The following PTPRN2 variants were observed in gnomAD, a reference collection of about 807,000 sequenced individuals.
PTPRN2 encodes the protein protein tyrosine phosphatase receptor type N2, also known as receptor-type tyrosine-protein phosphatase N2.
In PTPRN2, 74 loss-of-function variants were observed where a neutral mutation model predicts 118.8. The observed-to-expected ratio is 0.62, with a 90% CI of 0.52 to 0.76. The LOEUF (loss-of-function observed/expected upper bound fraction) is 0.76. Among genes scored for constraint, PTPRN2 ranks in the 30% least tolerant of loss-of-function variants. The pLI is 0.00. For synonymous variants in PTPRN2, 641 were observed against 608.0 expected (o/e 1.05, Z -0.80); for missense variants, 1,481 against 1,394.4 (o/e 1.06, Z -0.99).
Position 158,337,266 on chromosome 7 carries a change from G to A in PTPRN2, c.164-20334C>T, listed in dbSNP as rs1411270957. Among the ~76,000 whole-genome samples the A allele has an allele frequency of 4.6e-5, 7 of 150,772 alleles. 1 individual carries two copies. In the South Asian group the frequency reaches 1.3e-3, roughly 27 times the overall value. ...ACCATAAGAGCTGACACCTGCAGAC[G>A]TCACTCAAACTCACACTCTCACCAT... On this transcript the variant is annotated intron_variant, in intron 2 of 22. Coordinates refer to ENST00000389418, the MANE Select transcript of PTPRN2 (RefSeq NM_002847.5).
At chr7:158,484,991 C>T (rs1051732781) in intron 2 of PTPRN2, among the ~76,000 whole-genome samples, 2 of 152,176 alleles carry the variant, frequency 1.3e-5, no homozygotes, top group Non-Finnish European at 2.9e-5. Context: ...AGCGCAAGGG[C>T]ACCCCTCCCA....
intron 10 of PTPRN2, among the ~76,000 whole-genome samples, chr7:158,098,435 G>A (rs1329994984): frequency 6.6e-6 from 1 of 152,318 alleles, no homozygotes; most frequent in African/African-American, 2.4e-5. Context: ...GATGCCCGAG[G>A]GTGACGCTTA....
chr7:157,608,970 G>C lies in PTPRN2; in HGVS notation c.2345-4895C>G, dbSNP rs148157704. On this transcript the variant is annotated intron_variant, in intron 15 of 22. Coordinates refer to ENST00000389418, the MANE Select transcript of PTPRN2 (RefSeq NM_002847.5). Reference sequence around the variant, plus strand: ...AGGCCAGGAAAATGTGGGAACTCACGTAGAGTCTTCCTTCACCTGGCCCTA... The same window carrying C: ...AGGCCAGGAAAATGTGGGAACTCACCTAGAGTCTTCCTTCACCTGGCCCTA... Among the ~76,000 whole-genome samples, 1,111 of 152,326 alleles carry C rather than the reference G, an allele frequency of 7.3e-3. 16 individuals are homozygous for C. The highest frequency in any genetic ancestry group is 0.011 in the Non-Finnish European group (766 of 68,018).
chr7:158,324,613 G>A (rs534887415), intron 2 of PTPRN2, among the ~76,000 whole-genome samples: 4 of 151,902 alleles, frequency 2.6e-5, no homozygotes, highest in South Asian at 4.2e-4. Context: ...TCAGAGGGCC[G>A]ATTGACCCCC....
intron 11 of PTPRN2, among the ~76,000 whole-genome samples, chr7:158,071,033 CTTAGTATGGAGGTGCTCATG>C (rs1563388989): frequency 2.1e-5 from 1 of 47,466 alleles, no homozygotes; most frequent in African/African-American, 1.2e-4. Context: ...TGGAGGTGCT[CTTAGTATGGAGGTGCTCATG>C]GTGGTGGAGG....
chr7:158,575,590 T>C (rs938193056), intron 1 of PTPRN2, among the ~76,000 whole-genome samples: 81 of 152,152 alleles, frequency 5.3e-4, no homozygotes, highest in African/African-American at 1.9e-3. Flanking sequence ...GGTCTCAAAC[T>C]CTTGGCCTCA....
intron 8 of PTPRN2, 32 bp from the exon 9 acceptor site, chr7:158,134,091 T>A (rs1818611269): frequency 6.3e-7 from 1 of 1,593,650 alleles, no homozygotes; most frequent in Non-Finnish European, 8.6e-7. Context: ...GAGGGACGTC[T>A]GCGAAAGGAA....
At chr7:158,401,816 C>T (rs1053156210) in intron 2 of PTPRN2, among the ~76,000 whole-genome samples, 2 of 152,110 alleles carry the variant, frequency 1.3e-5, no homozygotes, top group Admixed American at 1.3e-4. Context: ...AGGGGACTGA[C>T]GGCAGCCTGG....
At chr7:157,698,052 A>G (rs1797895098) in intron 12 of PTPRN2, among the ~76,000 whole-genome samples, 1 of 152,234 alleles carries the variant, frequency 6.6e-6, no homozygotes, top group South Asian at 2.1e-4. Flanking sequence ...AGCAGAGTTT[A>G]TCCCACAGGA....
intron 3 of PTPRN2, among the ~76,000 whole-genome samples, chr7:158,273,416 AGACGCG>A (rs1798649857): frequency 7.6e-6 from 1 of 131,840 alleles, no homozygotes; most frequent in Non-Finnish European, 1.6e-5. Context: ...AGCCGCAGAC[AGACGCG>A]GGAGGAGCCG....
At chr7:158,469,646 G>A (rs1199956000) in intron 2 of PTPRN2, among the ~76,000 whole-genome samples, 2 of 148,564 alleles carry the variant, frequency 1.3e-5, no homozygotes, top group Non-Finnish European at 3.0e-5. Context: ...GAAAACAAAT[G>A]AGAACGACAA....
intron 3 of PTPRN2, among the ~76,000 whole-genome samples, chr7:158,218,246 G>GA (rs35713314): frequency 0.16 from 24,401 of 152,034 alleles, 2,300 homozygotes; most frequent in Non-Finnish European, 0.22. Flanking sequence ...AGACATGTCA[G>GA]AAAAAAGCTT....
chr7:157,871,643 T>C (rs1361422842), intron 12 of PTPRN2, among the ~76,000 whole-genome samples: 3 of 151,910 alleles, frequency 2.0e-5, no homozygotes, highest in African/African-American at 7.3e-5. Context: ...AGGCTTGAGG[T>C]ACAGTATTAT....
chr7:157,836,677 G>A (rs939572193), intron 12 of PTPRN2, among the ~76,000 whole-genome samples: 42 of 151,690 alleles, frequency 2.8e-4, no homozygotes, highest in Non-Finnish European at 3.7e-4. Flanking sequence ...AGTTTTCCAC[G>A]CTAAGTGTTC....
chr7:157,568,931 A>C lies in PTPRN2; in HGVS notation c.2873T>G (p.Ile958Ser). ...GAGRSGTYVL[I>S]DMVLNKMAKG... ...GGCCATCTTGTTGAGAACCATGTCG[A>C]TCAGGACGTAGGTGCCGCTCCGGCC... Residue 958 changes from isoleucine (I) to serine (S), a missense_variant, in exon 21 of 23, where the codon ATC becomes AGC. Ile to Ser is a moderately radical substitution (Grantham distance 142). Around this residue, in one of 3 missense-constraint regions of PTPRN2, gnomAD observed 362 missense variants for 384.1 expected, o/e 0.94. Transcript: ENST00000389418. The C allele has an allele frequency of 1.3e-6, 2 of 1,578,198 alleles. No homozygotes were observed. The highest frequency in any genetic ancestry group is 1.7e-6 in the Non-Finnish European group (2 of 1,147,504).
At chr7:158,308,897 A>G (rs188834570) in intron 3 of PTPRN2, among the ~76,000 whole-genome samples, 1 of 152,294 alleles carries the variant, frequency 6.6e-6, no homozygotes, top group Admixed American at 6.5e-5. Context: ...ACAAATTCCT[A>G]TGAAGACATG....
At chr7:158,143,226 G>C (rs117346343) in intron 6 of PTPRN2, among the ~76,000 whole-genome samples, 2 of 152,216 alleles carry the variant, frequency 1.3e-5, no homozygotes, top group South Asian at 2.1e-4. Context: ...GAAGAGCTGT[G>C]TCTGGAAAAG....
intron 6 of PTPRN2, among the ~76,000 whole-genome samples, chr7:158,162,793 T>C (rs569364249): frequency 2.3e-4 from 35 of 152,186 alleles, no homozygotes; most frequent in Non-Finnish European, 5.0e-4. Context: ...AGGTAAACTT[T>C]TGTCATATGC....
At chr7:158,110,772 C>G in intron 10 of PTPRN2, 57 bp downstream of exon 10, 1 of 1,463,316 alleles carries the variant, frequency 6.8e-7, no homozygotes, top group Non-Finnish European at 9.4e-7. Context: ...CCCTCCCACC[C>G]AGTCTCTGCG....
Sources: allele counts gnomAD v4.1 joint callset (sites outside exome capture counted in the v4.1 genomes callset), GRCh38; gene constraint gnomAD v4.1.1; regional missense constraint gnomAD v4.1.1; transcripts MANE v1.5; gene names NCBI Gene and HGNC (gene_info 2026-07-23, HGNC 2026-07-21).